Variants in AHNAK observed in about 807,000 individuals in gnomAD.
AHNAK encodes AHNAK nucleoprotein, also known as neuroblast differentiation-associated protein AHNAK.
In AHNAK, 23 loss-of-function variants were observed where a neutral mutation model predicts 37.8. The ratio of observed to expected loss-of-function variants is 0.61; its 90% confidence interval spans 0.44 to 0.86. AHNAK has a LOEUF of 0.86. AHNAK is among the 40% of genes least tolerant of loss of function. AHNAK has a pLI of 0.00. For synonymous variants in AHNAK, 2,481 were observed against 2,636.3 expected, an observed-to-expected ratio of 0.94 and a Z score of 1.80; for missense variants, 7,411 against 7,319.4, an observed-to-expected ratio of 1.01 and a Z score of -0.46.
chr11:62,520,151 C>A lies in AHNAK; in HGVS notation c.14266G>T (p.Asp4756Tyr), dbSNP rs772350596. The change falls in exon 5 of 5, where the codon GAC (aspartate) becomes TAC (tyrosine). Residue 4756 changes from aspartate to tyrosine, a missense_variant. Transcript: ENST00000378024. ...VEGDLKGPEADIKGPKVDINT... is the reference protein window; with the variant it reads ...VEGDLKGPEAYIKGPKVDINT... ...ATGTCCACTTTTGGGCCCTTGATGT[C>A]AGCTTCTGGGCCCTTGAGGTCACCT... 1.2e-6 allele frequency: 2 copies of A among 1,613,362 alleles called. No individual in the cohort carries two copies. The highest frequency in any genetic ancestry group is 8.5e-7 in the Non-Finnish European group (1 of 1,179,916).
intron 4 of AHNAK, among the ~76,000 whole-genome samples, chr11:62,504,190 A>AAAAG (rs375052153): frequency 5.9e-5 from 9 of 152,078 alleles, no homozygotes; most frequent in Admixed American, 1.3e-4. Flanking sequence ...GAGAGAAAGA[A>AAAAG]AAAGAAAGAA....
Position 62,531,262 on chromosome 11 carries a change from C to G in AHNAK, c.3155G>C (p.Gly1052Ala), listed in dbSNP as rs773390001. Reference sequence around the variant, plus strand: ...CATCTCAGGCATCTTAAACTTCGGGCCTTTCAACTTCCCTTCAGGTCCTTC... The same window carrying G: ...CATCTCAGGCATCTTAAACTTCGGGGCTTTCAACTTCCCTTCAGGTCCTTC... ...SLEGPEGKLK[G>A]PKFKMPEMHF... Residue 1052 changes from glycine (G) to alanine (A), a missense_variant, in exon 5 of 5, where the codon GGC (glycine) becomes GCC (alanine). Physicochemically the swap from Gly to Ala is moderately conservative, Grantham distance 60 (BLOSUM62 0). Coordinates refer to ENST00000378024, the MANE Select transcript of AHNAK (RefSeq NM_001620.3). 1.2e-6 allele frequency: 2 copies of G among 1,613,712 alleles called. No individual in the cohort carries two copies. The highest frequency in any genetic ancestry group is 8.5e-7 in the Non-Finnish European group (1 of 1,179,812).
intron 4 of AHNAK, among the ~76,000 whole-genome samples, chr11:62,495,752 A>AG (rs34687136): frequency 6.7e-6 from 1 of 150,234 alleles, no homozygotes; most frequent in African/African-American, 2.5e-5. Context: ...AAAAAAAAAA[A>AG]AAATAGCAGT....
chr11:62,503,643 T>G (rs1939754466), intron 4 of AHNAK, among the ~76,000 whole-genome samples: 1 of 152,048 alleles, frequency 6.6e-6, no homozygotes, highest in Non-Finnish European at 1.5e-5. Flanking sequence ...GAGTGGCCTT[T>G]TTACCTGGGT....
chr11:62,496,149 C>T (rs958959836), intron 4 of AHNAK, among the ~76,000 whole-genome samples: 4 of 151,790 alleles, frequency 2.6e-5, no homozygotes, highest in African/African-American at 9.7e-5. Flanking sequence ...GAGTAGGAAA[C>T]GAGTTCAGTT....
chr11:62,519,011 T>C lies in AHNAK; in HGVS notation c.15406A>G (p.Ile5136Val), dbSNP rs978740829. Reference sequence around the variant, plus strand: ...TTGACCTTGGGAGCCTTCGCCTTGATGTCAAGACCTTCGACGTGAATCGCT... The same window carrying C: ...TTGACCTTGGGAGCCTTCGCCTTGACGTCAAGACCTTCGACGTGAATCGCT... The part of the protein sequence containing the change: ...LPAIHVEGLD[I>V]KAKAPKVKMP... The change falls in exon 5 of 5, where the codon ATC becomes GTC. Residue 5136 changes from isoleucine to valine, a missense_variant. Physicochemically the swap from Ile to Val is conservative, Grantham distance 29. Coordinates refer to ENST00000378024, the MANE Select transcript of AHNAK (RefSeq NM_001620.3). 2.5e-6 allele frequency: 4 copies of C among 1,614,004 alleles called. No homozygotes were observed. Among genetic ancestry groups the C allele is most frequent in the Middle Eastern group, 1.6e-4 (1 of 6,062 alleles).
intron 4 of AHNAK, 35 bp from the exon 5 acceptor site, chr11:62,534,109 G>A (rs749498058): frequency 1.3e-6 from 2 of 1,509,208 alleles, no homozygotes; most frequent in Admixed American, 2.2e-5. Flanking sequence ...GGTTGCAGCA[G>A]AGTCTGCCTG....
At chr11:62,542,366 G>A (rs1277397414) in intron 1 of AHNAK, among the ~76,000 whole-genome samples, 1 of 152,102 alleles carries the variant, frequency 6.6e-6, no homozygotes, top group African/African-American at 2.4e-5. Flanking sequence ...CCTTAGGAGA[G>A]GGAGGCGCCA....
Position 62,518,339 on chromosome 11 carries a change from C to A in AHNAK, c.16078G>T (p.Ala5360Ser). The change falls in exon 5 of 5, where the codon GCA becomes TCA. Residue 5360 changes from alanine (A) to serine (S), a missense_variant. Ala to Ser is a moderately conservative substitution (Grantham distance 99). Coordinates refer to ENST00000378024, the MANE Select transcript of AHNAK (RefSeq NM_001620.3). ...IDATTKLNVG[A>S]PDVTLRGPSL... ...GGTCCCCTCAGTGTCACATCTGGTG[C>A]CCCAACGTTAAGCTTTGTTGTGGCA... 1.9e-6 allele frequency: 3 copies of A among 1,614,134 alleles called. No individual in the cohort carries two copies. Among genetic ancestry groups the A allele is most frequent in the Non-Finnish European group, 2.5e-6 (3 of 1,180,020 alleles).
chr11:62,526,250 C>T lies in AHNAK; in HGVS notation c.8167G>A (p.Gly2723Ser). ...TTAGGAAGGGAAACATCCACATCACCCTTCACTTTGGGTCCTTTCAGGTTT... is the reference window on the plus strand; with the variant it reads ...TTAGGAAGGGAAACATCCACATCACTCTTCACTTTGGGTCCTTTCAGGTTT... ...DLNLKGPKVK[G>S]DVDVSLPKVE... Residue 2723 changes from glycine (G) to serine (S), a missense_variant, in exon 5 of 5, where the codon GGT becomes AGT. Physicochemically the swap from Gly to Ser is moderately conservative, Grantham distance 56 (BLOSUM62 0). Transcript: ENST00000378024. The T allele has an allele frequency of 6.2e-7, 1 of 1,613,720 alleles. No homozygotes were observed.
At chr11:62,512,823 T>A (rs1939937897), downstream of AHNAK, among the ~76,000 whole-genome samples, 1 of 131,964 alleles carries the variant, frequency 7.6e-6, no homozygotes, top group Non-Finnish European at 1.5e-5. The surrounding 1 kb of genome is among the most constrained non-coding windows in gnomAD (Gnocchi z 4.0). Flanking sequence ...GCCACTGCAC[T>A]CCAGCCTGGG....
At chr11:62,478,582 A>G (rs1304314889) in intron 5 of AHNAK, among the ~76,000 whole-genome samples, 1 of 151,664 alleles carries the variant, frequency 6.6e-6, no homozygotes, top group African/African-American at 2.4e-5. Flanking sequence ...TCATCTCTAC[A>G]ACAACAACGA....
chr11:62,450,918 G>C (rs1219432228), intron 5 of AHNAK, among the ~76,000 whole-genome samples: 1 of 152,234 alleles, frequency 6.6e-6, no homozygotes, highest in African/African-American at 2.4e-5. Context: ...CAAGATTCCA[G>C]GAAGAGGCTG....
chr11:62,472,344 C>T (rs576676626), intron 5 of AHNAK, among the ~76,000 whole-genome samples: 1 of 152,248 alleles, frequency 6.6e-6, no homozygotes, highest in African/African-American at 2.4e-5. Flanking sequence ...CTTGCCTTCC[C>T]CTCTGACCCA....
Position 62,526,737 on chromosome 11 carries a change from T to C in AHNAK, c.7680A>G (p.Gly2560=). Residue 2560 remains glycine (G), a synonymous_variant, in exon 5 of 5, where the codon GGA becomes GGG. Transcript: ENST00000378024. ...GPDVNIEGPE[G]KLKGPKLKMP... Reference sequence around the variant, plus strand: ...TCTTTAACTTAGGCCCTTTCAACTTTCCCTCTGGTCCTTCAATATTAACAT... The same window carrying C: ...TCTTTAACTTAGGCCCTTTCAACTTCCCCTCTGGTCCTTCAATATTAACAT... 6.2e-7 allele frequency: 1 copy of C among 1,613,620 alleles called. No homozygotes were observed. The highest frequency in any genetic ancestry group is 8.5e-7 in the Non-Finnish European group (1 of 1,179,946).
chr11:62,461,136 A>G (rs1463017041), intron 5 of AHNAK, among the ~76,000 whole-genome samples: 1 of 129,104 alleles, frequency 7.7e-6, no homozygotes, highest in Non-Finnish European at 1.6e-5. Flanking sequence ...CGCCCGGCCA[A>G]ATTCCCCTTT....
At chr11:62,537,632 C>T (rs541812124) in intron 1 of AHNAK, among the ~76,000 whole-genome samples, 2 of 151,884 alleles carry the variant, frequency 1.3e-5, no homozygotes, top group East Asian at 1.9e-4. Context: ...ACAGCTTACC[C>T]GGGGTACACA....
rs568862666 is a variant in AHNAK, at chr11:62,531,377, C to T, written c.3040G>A (p.Glu1014Lys). 7 of 1,613,980 alleles carry T rather than the reference C, an allele frequency of 4.3e-6. No individual in the cohort carries two copies. Among genetic ancestry groups the T allele is most frequent in the Non-Finnish European group, 5.1e-6 (6 of 1,180,020 alleles). ...AGGTTCACATCAAATTCTGGCCCCT[C>T]TCCTTTGAGGCTGGGCATGCTAAAT... ...PKFSMPSLKGEGPEFDVNLSK... is the reference protein window; with the variant it reads ...PKFSMPSLKGKGPEFDVNLSK... The change falls in exon 5 of 5, where the codon GAG becomes AAG. Residue 1014 changes from glutamate (E) to lysine (K), a missense_variant. Glu to Lys is a moderately conservative substitution (Grantham distance 56). Coordinates refer to ENST00000378024, the MANE Select transcript of AHNAK (RefSeq NM_001620.3).
chr11:62,442,889 TAAAC>T (rs1480148912), intron 5 of AHNAK, among the ~76,000 whole-genome samples: 1 of 151,630 alleles, frequency 6.6e-6, no homozygotes, highest in Non-Finnish European at 1.5e-5. Context: ...AGGAAAATAT[TAAAC>T]AAATTGTAGT....
Sources: gnomAD v4.1 joint callset for allele counts (sites outside exome capture counted in the v4.1 genomes callset) on GRCh38, gnomAD v4.1.1 for gene constraint, Gnocchi (gnomAD v3.1) non-coding constraint, MANE v1.5 for transcripts, NCBI Gene and HGNC (gene_info 2026-07-23, HGNC 2026-07-21) for gene names.